Variants in PGAP1 observed in about 807,000 individuals in gnomAD.
PGAP1 encodes post-GPI attachment to proteins inositol deacylase 1.
In PGAP1, 76 loss-of-function variants were observed where a neutral mutation model predicts 127.0. That is an observed-to-expected ratio of 0.60 (90% CI 0.50 to 0.72). PGAP1 has a LOEUF of 0.72. PGAP1 is among the 30% of genes least tolerant of loss of function. The pLI, the probability that PGAP1 is intolerant of heterozygous loss-of-function variation, is 0.00. For missense variants in PGAP1, 982 were observed against 1,071.3 expected, an observed-to-expected ratio of 0.92 and a Z score of 1.16; for synonymous variants, 362 against 366.5, an observed-to-expected ratio of 0.99 and a Z score of 0.14.
chr2:196,881,482 C>T (rs1559351336), intron 12 of PGAP1, among the ~76,000 whole-genome samples: 2 of 152,240 alleles, frequency 1.3e-5, no homozygotes, highest in Non-Finnish European at 2.9e-5. Flanking sequence ...TACACTCCCA[C>T]TAACAGCATG....
intron 20 of PGAP1, among the ~76,000 whole-genome samples, chr2:196,860,727 T>C (rs556881895): frequency 2.1e-4 from 32 of 152,172 alleles, no homozygotes; most frequent in Non-Finnish European, 3.7e-4. Context: ...TGTTCATGGA[T>C]TGAATGATTT....
chr2:196,856,577 C>T lies in PGAP1; in HGVS notation c.1861+8410G>A, dbSNP rs186818362. On this transcript the variant is annotated intron_variant, in intron 20 of 26. Coordinates refer to ENST00000354764, the MANE Select transcript of PGAP1 (RefSeq NM_024989.4). ...GAGCCCTGTAAGCTGAAACTAGATG[C>T]ATTTTAAGAAATAAGCCTCATGTTT... 7.9e-5 allele frequency among the ~76,000 whole-genome samples: 12 copies of T among 152,242 alleles called. No homozygotes were observed. The East Asian group carries it at 2.3e-3, about 29-fold the overall frequency.
At chr2:196,924,651 GA>G (rs1361507934) in intron 1 of PGAP1, among the ~76,000 whole-genome samples, 1 of 152,090 alleles carries the variant, frequency 6.6e-6, no homozygotes, top group Non-Finnish European at 1.5e-5. Context: ...ATTATTAATA[GA>G]AGTGTAAAAC....
At chr2:196,860,056 GA>G (rs1373452027) in intron 20 of PGAP1, among the ~76,000 whole-genome samples, 1 of 151,916 alleles carries the variant, frequency 6.6e-6, no homozygotes, top group Non-Finnish European at 1.5e-5. Flanking sequence ...AATTGGAAAA[GA>G]AATGGTCAAG....
rs1373881663 is a variant in PGAP1 at position 196,835,372 on chromosome 2, G to C, written c.*5862C>G. 1 of 151,894 alleles carries C rather than the reference G, an allele frequency of 6.6e-6. No homozygotes were observed. The highest frequency in any genetic ancestry group is 2.4e-5 in the African/African-American group (1 of 41,410). The allele number at this position is 151,894 out of a possible 1,614,324, so 9.4% of individuals were successfully genotyped here. ...TTTCAACTACATAAATGAGACACCT[G>C]TACTAAAATGGCTTGTACAACAATG... is the stretch of plus-strand genomic sequence containing the variant. On this transcript the variant is annotated 3_prime_UTR_variant, in exon 27 of 27. Coordinates refer to ENST00000354764, the MANE Select transcript of PGAP1 (RefSeq NM_024989.4).
intron 1 of PGAP1, 143 bp downstream of exon 1, chr2:196,926,327 C>T (rs986752877): frequency 7.7e-7 from 1 of 1,296,332 alleles, no homozygotes; most frequent in Non-Finnish European, 1.1e-6. Context: ...GCAGAGTCTC[C>T]CCGGGCGGAG....
chr2:196,879,184 C>T (rs1701651831), intron 13 of PGAP1, among the ~76,000 whole-genome samples: 1 of 152,270 alleles, frequency 6.6e-6, no homozygotes, highest in Admixed American at 6.5e-5. Flanking sequence ...AATGATTCTC[C>T]TGCTTCAACT....
rs1379272151 is a variant in PGAP1 at position 196,834,679 on chromosome 2, GTTT to G, written c.*6552_*6554del. On this transcript the variant is annotated 3_prime_UTR_variant, in exon 27 of 27. Coordinates refer to ENST00000354764, the MANE Select transcript of PGAP1 (RefSeq NM_024989.4). ...AATTTATATACAGTATAAATCGGGA[GTTT>G]TTTTTCCACTGCACAGTGGAGGAAG... 6.6e-6 allele frequency: 1 copy of G among 151,636 alleles called. No individual in the cohort carries two copies. The highest frequency in any genetic ancestry group is 1.5e-5 in the Non-Finnish European group (1 of 67,784). The allele number at this position is 151,636 out of a possible 1,614,324, so 9.4% of individuals were successfully genotyped here. A position where few individuals can be genotyped will look rare whatever the true frequency, so the allele number is the denominator to read the frequency against.
chr2:196,873,087 T>C, intron 16 of PGAP1, 61 bp from the exon 17 acceptor site: 1 of 573,828 alleles, frequency 1.7e-6, no homozygotes, highest in South Asian at 2.5e-5. Flanking sequence ...TTACATAAAC[T>C]ACTATAATAT....
chr2:196,889,379 T>A (rs562041957), intron 10 of PGAP1, among the ~76,000 whole-genome samples: 20 of 152,226 alleles, frequency 1.3e-4, no homozygotes, highest in South Asian at 4.1e-4. Flanking sequence ...CATCTTTTTT[T>A]AAAATATTTT....
At position 196,873,770 on chromosome 2, in the gene PGAP1, A is replaced by G; in HGVS notation, c.1427-12T>C. On this transcript the variant is annotated splice_polypyrimidine_tract_variant and intron_variant, in intron 14 of 26. Transcript: ENST00000354764. The stretch of plus-strand genomic sequence containing the variant: ...CCTTGAAGACAATCCTGTTGAATTC[A>G]AAGTACTGTATTACTTAGAATATCA... The G allele has an allele frequency of 6.4e-7, 1 of 1,558,282 alleles. No homozygotes were observed. Among genetic ancestry groups the G allele is most frequent in the Non-Finnish European group, 8.9e-7 (1 of 1,129,394 alleles).
chr2:196,861,898 A>G (rs1473167207), intron 20 of PGAP1, among the ~76,000 whole-genome samples: 1 of 150,974 alleles, frequency 6.6e-6, no homozygotes, highest in East Asian at 1.9e-4. Context: ...CTTTACCTTA[A>G]TCTCTTAATC....
intron 4 of PGAP1, among the ~76,000 whole-genome samples, chr2:196,904,659 C>T (rs1335306627): frequency 2.0e-5 from 3 of 151,914 alleles, no homozygotes; most frequent in Non-Finnish European, 2.9e-5. Context: ...ACCCAGGAGG[C>T]GGAGGTTGCA....
At chr2:196,886,157 C>CTTTTTT (rs768495810) in intron 10 of PGAP1, among the ~76,000 whole-genome samples, 4 of 122,180 alleles carry the variant, frequency 3.3e-5, no homozygotes, top group African/African-American at 9.3e-5. Flanking sequence ...CTGGTTATCT[C>CTTTTTT]TTTTTTTTTT....
intron 5 of PGAP1, 40 bp from the exon 6 acceptor site, chr2:196,898,409 T>C (rs1341287649): frequency 2.2e-6 from 3 of 1,377,124 alleles, no homozygotes; most frequent in South Asian, 2.4e-5. Flanking sequence ...AAAAGCACAT[T>C]TGTTATTCTC....
chr2:196,898,178 A>T (rs573570989), intron 6 of PGAP1, 139 bp downstream of exon 6: 124 of 545,570 alleles, frequency 2.3e-4, no homozygotes, highest in African/African-American at 2.0e-3. Context: ...AAATTGCACC[A>T]CTGTCCTCCA....
In PGAP1 at chr2:196,843,883, C is replaced by A; in HGVS notation, c.2525+5G>T. The A allele has an allele frequency of 1.4e-6, 2 of 1,478,004 alleles. No homozygotes were observed. The highest frequency in any genetic ancestry group is 1.4e-5 in the South Asian group (1 of 69,236). The allele number at this position is 1,478,004 out of a possible 1,614,324, so 91.6% of individuals were successfully genotyped here. ...ATAAACAATAATTATATCAATAAAACGCACCTAAGATTCTTTAGCCAATAA... is the reference window on the plus strand; with the variant it reads ...ATAAACAATAATTATATCAATAAAAAGCACCTAAGATTCTTTAGCCAATAA... On this transcript the variant is annotated splice_donor_5th_base_variant and intron_variant, in intron 25 of 26. Transcript: ENST00000354764.
intron 26 of PGAP1, among the ~76,000 whole-genome samples, 173 bp from the exon 27 acceptor site, chr2:196,841,545 T>C (rs547843888): frequency 4.9e-4 from 75 of 152,250 alleles, no homozygotes; most frequent in Middle Eastern, 3.4e-3. Flanking sequence ...TGAGATGGAG[T>C]CTCACTCTGT....
rs1030406150 is a variant in PGAP1, at chr2:196,840,212, C to T, written c.*1022G>A. ...AGGTGTACTGTTTATACTCATGCTA[C>T]TAATGGGTTAACAGTTGTCTACTGA... On this transcript the variant is annotated 3_prime_UTR_variant, in exon 27 of 27. Transcript: ENST00000354764. 6.6e-6 allele frequency: 1 copy of T among 152,178 alleles called. No individual in the cohort carries two copies. Among genetic ancestry groups the T allele is most frequent in the Non-Finnish European group, 1.5e-5 (1 of 68,028 alleles). 9.4% of individuals were successfully genotyped at this position (152,178 alleles called of 1,614,324 possible).
Sources: allele counts gnomAD v4.1 joint callset (sites outside exome capture counted in the v4.1 genomes callset), GRCh38; gene constraint gnomAD v4.1.1; transcripts MANE v1.5; gene names NCBI Gene and HGNC (gene_info 2026-07-23, HGNC 2026-07-21).